Variants in PLAT observed in about 807,000 individuals in gnomAD.
PLAT encodes the protein plasminogen activator, tissue type.
PLAT carries 48 observed loss-of-function variants against 74.9 expected under a neutral mutation model. The ratio of observed to expected loss-of-function variants is 0.64; its 90% CI spans 0.51 to 0.82. The LOEUF (loss-of-function observed/expected upper bound fraction) is 0.82, where lower values mean the gene tolerates loss of function less well. Ranked by LOEUF, PLAT falls within the 40% of genes least tolerant of loss-of-function variation. The pLI, the probability that PLAT is intolerant of heterozygous loss-of-function variation, is 0.00. For synonymous variants in PLAT, 307 were observed against 294.4 expected (o/e 1.04, Z -0.44); for missense variants, 673 against 736.2 (o/e 0.91, Z 0.99).
At chr8:42,205,512 G>A (rs145406895) in intron 1 of PLAT, among the ~76,000 whole-genome samples, 25 of 152,182 alleles carry the variant, frequency 1.6e-4, no homozygotes, top group African/African-American at 6.0e-4. Context: ...GGCAAAAAGA[G>A]TGAAACTCCG....
chr8:42,198,197 A>G (rs1805814095), intron 1 of PLAT, among the ~76,000 whole-genome samples: 1 of 152,050 alleles, frequency 6.6e-6, no homozygotes, highest in South Asian at 2.1e-4. Flanking sequence ...CATTTTAAAA[A>G]TAGATTATAT....
Position 42,182,827 on chromosome 8 carries a change from G to T in PLAT, c.695C>A (p.Ser232Ter). The stretch of plus-strand genomic sequence containing the variant: ...ATTCCACGGGAGGCAGGAGGCACCC[G>T]ACTCGGTGAGGCTGTGCGTGCCACG... ...AYRGTHSLTESGASCLPWNSM... is the reference protein window; with the variant it reads ...AYRGTHSLTE Residue 232 changes from serine to a stop codon, truncating the protein, a stop_gained, in exon 8 of 14, where the codon TCG (serine) becomes TAG (stop). Coordinates refer to ENST00000220809, the MANE Select transcript of PLAT (RefSeq NM_000930.5). LOFTEE classifies it high-confidence loss of function. 6.2e-7 allele frequency: 1 copy of T among 1,613,606 alleles called. No individual in the cohort carries two copies. Among genetic ancestry groups the T allele is most frequent in the Middle Eastern group, 1.7e-4 (1 of 6,060 alleles).
rs185787026 is a variant in PLAT, at chr8:42,180,223, G to A, written c.1222+19C>T. On this transcript the variant is annotated intron_variant, in intron 11 of 13. Transcript: ENST00000220809. The stretch of plus-strand genomic sequence containing the variant: ...TGTGTGATCTGTATGAACTGGAGCC[G>A]GGAATGACGAGCTCTTACCAATGTC... 5,295 of 1,613,816 alleles carry A rather than the reference G, an allele frequency of 3.3e-3. 14 individuals carry two copies. The highest frequency in any genetic ancestry group is 4.0e-3 in the Admixed American group (243 of 60,020).
intron 13 of PLAT, among the ~76,000 whole-genome samples, chr8:42,177,176 C>T (rs952483979): frequency 6.6e-6 from 1 of 152,182 alleles, no homozygotes; most frequent in African/African-American, 2.4e-5. Flanking sequence ...AGGCTGGTCT[C>T]GAACTCCTGA....
Position 42,182,789 on chromosome 8 carries a change from T to A in PLAT, c.733A>T (p.Ile245Leu). The A allele has an allele frequency of 6.2e-7, 1 of 1,613,668 alleles. No individual in the cohort carries two copies. Among genetic ancestry groups the A allele is most frequent in the Non-Finnish European group, 8.5e-7 (1 of 1,179,756 alleles). Reference protein sequence around the residue: ...SCLPWNSMILIGKVYTAQNPS... With the variant: ...SCLPWNSMILLGKVYTAQNPS... ...TTCTGTGCTGTGTAAACCTTGCCTA[T>A]CAGGATCATGGAATTCCACGGGAGG... is the stretch of plus-strand genomic sequence containing the variant. Residue 245 changes from isoleucine to leucine, a missense_variant, in exon 8 of 14, where the codon ATA (isoleucine) becomes TTA (leucine). Coordinates refer to ENST00000220809, the MANE Select transcript of PLAT (RefSeq NM_000930.5).
chr8:42,200,714 G>A (rs1164717110), intron 1 of PLAT, among the ~76,000 whole-genome samples: 8 of 149,384 alleles, frequency 5.4e-5, no homozygotes, highest in Admixed American at 1.3e-4. Flanking sequence ...CGTGCTGTAC[G>A]GTGACACATC....
chr8:42,182,656 C>T, intron 8 of PLAT, 63 bp downstream of exon 8: 2 of 1,268,248 alleles, frequency 1.6e-6, no homozygotes, highest in Non-Finnish European at 2.2e-6. Flanking sequence ...GGATCTTCCC[C>T]CGTCTCACAC....
Position 42,181,921 on chromosome 8 carries a change from G to T in PLAT, c.889+16C>A. The T allele has an allele frequency of 1.3e-6, 2 of 1,549,650 alleles. No individual in the cohort carries two copies. Among genetic ancestry groups the T allele is most frequent in the African/African-American group, 1.4e-5 (1 of 73,702 alleles). ...GGAGACCAGGTGCAGGGAGGCAGCC[G>T]GGGCCCAGCCCTTACAGCAGGAGGG... On this transcript the variant is annotated intron_variant, in intron 9 of 13. Transcript: ENST00000220809.
chr8:42,190,069 C>G (rs1587936890), intron 3 of PLAT, among the ~76,000 whole-genome samples: 2 of 152,196 alleles, frequency 1.3e-5, no homozygotes, highest in East Asian at 3.9e-4. Flanking sequence ...CACCACCACA[C>G]CCAGCTAATT....
At chr8:42,189,917 T>G (rs1481709112) in intron 3 of PLAT, among the ~76,000 whole-genome samples, 3 of 145,694 alleles carry the variant, frequency 2.1e-5, no homozygotes, top group African/African-American at 5.3e-5. Context: ...TCTTTTCTTT[T>G]CTTTTTCTTT....
At chr8:42,180,096 C>T (rs764685022) in intron 11 of PLAT, 30 bp from the exon 12 acceptor site, 21 of 1,593,770 alleles carry the variant, frequency 1.3e-5, no homozygotes, top group South Asian at 6.8e-5. Context: ...AGTGAGCTGG[C>T]GTGAGGGCCG....
chr8:42,192,437 T>C (rs533093681), intron 2 of PLAT, among the ~76,000 whole-genome samples: 2 of 152,190 alleles, frequency 1.3e-5, no homozygotes, highest in East Asian at 3.9e-4. Flanking sequence ...CCCCAGAGTT[T>C]TGGGAGGCCA....
intron 1 of PLAT, among the ~76,000 whole-genome samples, chr8:42,199,857 G>T (rs1262209660): frequency 6.6e-6 from 1 of 152,198 alleles, no homozygotes; most frequent in East Asian, 1.9e-4. Flanking sequence ...GAATCGAAAT[G>T]AATGTCATCT....
chr8:42,207,065 G>A (rs751675691), intron 1 of PLAT, among the ~76,000 whole-genome samples: 3 of 152,188 alleles, frequency 2.0e-5, no homozygotes, highest in Non-Finnish European at 1.5e-5. Flanking sequence ...GGTTCATCGG[G>A]GGAGGGAGGA....
intron 1 of PLAT, among the ~76,000 whole-genome samples, chr8:42,196,545 G>A (rs1210928180): frequency 6.6e-6 from 1 of 152,222 alleles, no homozygotes; most frequent in South Asian, 2.1e-4. Context: ...ATGAGTCCTT[G>A]TTTCGCCTTC....
At chr8:42,183,008 G>T in intron 7 of PLAT, 118 bp from the exon 8 acceptor site, 3 of 735,438 alleles carry the variant, frequency 4.1e-6, no homozygotes, top group East Asian at 2.6e-5. Flanking sequence ...GCCCGGCACT[G>T]AGAAGAGTGT....
intron 12 of PLAT, 111 bp downstream of exon 12, chr8:42,179,815 G>C (rs756391976): frequency 2.7e-6 from 3 of 1,116,366 alleles, no homozygotes; most frequent in African/African-American, 3.6e-5. Flanking sequence ...TGGCGTCAGT[G>C]CCTGACCCGG....
chr8:42,182,139 C>T, intron 8 of PLAT, 117 bp from the exon 9 acceptor site: 1 of 633,358 alleles, frequency 1.6e-6, no homozygotes, highest in Admixed American at 2.3e-5. Context: ...TCAAGCAATC[C>T]TCCTGCCTCA....
chr8:42,193,961 G>A lies in PLAT; in HGVS notation c.-26-750C>T, dbSNP rs574713638. 1.9e-3 allele frequency among the ~76,000 whole-genome samples: 294 copies of A among 151,066 alleles called. 1 individual carries two copies. The highest frequency in any genetic ancestry group is 3.4e-3 in the Non-Finnish European group (231 of 67,876). On this transcript the variant is annotated intron_variant, in intron 1 of 13. Transcript: ENST00000220809. ...GATCTCCTGACCTCGTGATCCGCTC[G>A]CCTTGGCCTCCCAAAGTGGTGGGAT...
Sources: gnomAD v4.1 joint callset for allele counts (sites outside exome capture counted in the v4.1 genomes callset) on GRCh38, gnomAD v4.1.1 for gene constraint, MANE v1.5 for transcripts, NCBI Gene and HGNC (gene_info 2026-07-23, HGNC 2026-07-21) for gene names.